Variants in KPNA7 observed in about 807,000 individuals in gnomAD.
KPNA7 encodes importin subunit alpha-8.
Under a neutral mutation model 53.7 loss-of-function variants are expected in KPNA7, and 54 were observed. The observed-to-expected ratio is 1.01, with a 90% confidence interval of 0.81 to 1.26. KPNA7 has a LOEUF of 1.26. KPNA7 is among the 50% of genes most tolerant of loss of function. KPNA7 has a pLI of 0.00. For missense variants in KPNA7, 640 were observed against 644.5 expected, an observed-to-expected ratio of 0.99 and a Z score of 0.07; for synonymous variants, 276 against 259.3, an observed-to-expected ratio of 1.06 and a Z score of -0.62.
At chr7:99,182,772 G>T (rs13243638) in intron 8 of KPNA7, among the ~76,000 whole-genome samples, 15,196 of 151,442 alleles carry the variant, frequency 0.1, 904 homozygotes, top group African/African-American at 0.17. Flanking sequence ...AAAATGAAAC[G>T]GACATTAACC....
upstream of KPNA7, among the ~76,000 whole-genome samples, chr7:99,210,572 G>A (rs1346695238): frequency 1.3e-5 from 2 of 152,036 alleles, no homozygotes; most frequent in African/African-American, 4.8e-5. Context: ...TTAAATTGGA[G>A]GGAGTTTGCT....
rs1054781367 is a variant in KPNA7 at position 99,195,945 on chromosome 7, T to C, written c.284+139A>G. ...AGTGTAGAATAGCAATTTCGTCTTT[T>C]AGATGGGCTAGCCTTTTCCTGTGTT... On this transcript the variant is annotated intron_variant, in intron 4 of 10. Coordinates refer to ENST00000327442, the MANE Select transcript of KPNA7 (RefSeq NM_001145715.3). 1.9e-4 allele frequency: 126 copies of C among 668,970 alleles called. No individual in the cohort carries two copies. In the East Asian group the frequency reaches 3.3e-3, roughly 17 times the overall value. 41.4% of individuals were successfully genotyped at this position (668,970 alleles called of 1,614,324 possible). A position where few individuals can be genotyped will look rare whatever the true frequency, so the allele number is the denominator to read the frequency against.
intron 8 of KPNA7, among the ~76,000 whole-genome samples, chr7:99,182,292 G>A (rs1789296943): frequency 6.6e-6 from 1 of 152,124 alleles, no homozygotes; most frequent in Non-Finnish European, 1.5e-5. Flanking sequence ...CCGCCTCCCA[G>A]GTTCAAGCGA....
the KPNA7 span, among the ~76,000 whole-genome samples, chr7:99,146,150 T>C: frequency 1.7e-4 from 26 of 152,104 alleles, no homozygotes; most frequent in African/African-American, 6.0e-4. Context: ...CAGACATCAC[T>C]CTCTGCTTAC....
intron 3 of KPNA7, among the ~76,000 whole-genome samples, chr7:99,198,675 C>T (rs1790352410): frequency 6.6e-6 from 1 of 152,116 alleles, no homozygotes. Flanking sequence ...TAGCCTCATA[C>T]TTAATGGTGA....
downstream of KPNA7, among the ~76,000 whole-genome samples, chr7:99,169,597 A>T (rs955579286): frequency 2.6e-5 from 4 of 152,130 alleles, no homozygotes; most frequent in Non-Finnish European, 5.9e-5. Flanking sequence ...AGCCTGGGCG[A>T]CAGAGCATGA....
the KPNA7 span, among the ~76,000 whole-genome samples, chr7:99,161,384 G>A: frequency 6.6e-6 from 1 of 152,060 alleles, no homozygotes; most frequent in Non-Finnish European, 1.5e-5. Context: ...CTGAAGAACT[G>A]AAACCCTCTA....
intron 3 of KPNA7, 143 bp from the exon 4 acceptor site, chr7:99,196,309 G>C: frequency 1.6e-6 from 1 of 623,860 alleles, no homozygotes; most frequent in Non-Finnish European, 2.9e-6. Flanking sequence ...ATTTGGGGAG[G>C]GGAGAATATA....
chr7:99,182,506 C>T (rs1250063647), intron 8 of KPNA7, among the ~76,000 whole-genome samples: 4 of 151,946 alleles, frequency 2.6e-5, no homozygotes, highest in Non-Finnish European at 4.4e-5. Context: ...AGCTAATTTT[C>T]GTATTTTTAG....
At chr7:99,186,975 T>C (rs1789627227) in intron 7 of KPNA7, among the ~76,000 whole-genome samples, 1 of 152,118 alleles carries the variant, frequency 6.6e-6, no homozygotes, top group South Asian at 2.1e-4. Flanking sequence ...GTATATGATG[T>C]AGGTGACATG....
At chr7:99,182,385 G>C (rs892050934) in intron 8 of KPNA7, among the ~76,000 whole-genome samples, 6 of 152,114 alleles carry the variant, frequency 3.9e-5, no homozygotes, top group African/African-American at 9.7e-5. Flanking sequence ...TTTTAGTAGA[G>C]ACAGGTTTCA....
At chr7:99,155,800 A>G in the KPNA7 span, among the ~76,000 whole-genome samples, 2 of 151,336 alleles carry the variant, frequency 1.3e-5, no homozygotes, top group African/African-American at 4.9e-5. Flanking sequence ...CCTGGGCTCC[A>G]GCAGTCTGCC....
the KPNA7 span, among the ~76,000 whole-genome samples, chr7:99,156,882 CTCTTT>C: frequency 6.6e-6 from 1 of 152,024 alleles, no homozygotes; most frequent in African/African-American, 2.4e-5. Flanking sequence ...CCTATATTTT[CTCTTT>C]TGTCTTTTTC....
chr7:99,203,022 C>T, intron 3 of KPNA7, 84 bp downstream of exon 3: 1 of 1,476,006 alleles, frequency 6.8e-7, no homozygotes, highest in Non-Finnish European at 9.2e-7. Flanking sequence ...TTTGCAAGTT[C>T]TGAATCTATT....
At chr7:99,181,617 G>C (rs1327149338) in intron 9 of KPNA7, among the ~76,000 whole-genome samples, 1 of 151,856 alleles carries the variant, frequency 6.6e-6, no homozygotes, top group Non-Finnish European at 1.5e-5. Flanking sequence ...GCACTATCTT[G>C]GCTCACTGCA....
At chr7:99,214,655 A>G (rs13308077) in intron 1 of KPNA7, among the ~76,000 whole-genome samples, 49 of 604 alleles carry the variant, frequency 0.081, 5 homozygotes, top group African/African-American at 0.11. Flanking sequence ...GGAGGTAGGG[A>G]AGGGGAGGGG....
chr7:99,187,804 A>T (rs1263361455), intron 7 of KPNA7, among the ~76,000 whole-genome samples: 44 of 3,462 alleles, frequency 0.013, 5 homozygotes, highest in African/African-American at 0.024. Flanking sequence ...TTTTTTAAAA[A>T]AAAAAAAAAA....
At chr7:99,165,569 G>A in the KPNA7 span, among the ~76,000 whole-genome samples, 1 of 152,184 alleles carries the variant, frequency 6.6e-6, no homozygotes, top group Non-Finnish European at 1.5e-5. Context: ...TAAATGAGAA[G>A]TTGGTGCAGG....
At chr7:99,170,725 A>G (rs78674681), downstream of KPNA7, among the ~76,000 whole-genome samples, 1,787 of 152,348 alleles carry the variant, frequency 0.012, 32 homozygotes, top group African/African-American at 0.041. Context: ...TCAGGACAGC[A>G]CATTTAAGAA....
Sources: allele counts gnomAD v4.1 joint callset (sites outside exome capture counted in the v4.1 genomes callset), GRCh38; gene constraint gnomAD v4.1.1; transcripts MANE v1.5; gene names NCBI Gene and HGNC (gene_info 2026-07-23, HGNC 2026-07-21).